The following SLC28A1 variants were observed in gnomAD, a reference collection of about 807,000 sequenced individuals.
The protein encoded by SLC28A1 is solute carrier family 28 member 1, also known as sodium/nucleoside cotransporter 1.
In SLC28A1, 64 loss-of-function variants were observed where a neutral mutation model predicts 74.8. The ratio of observed to expected loss-of-function variants is 0.86; its 90% CI spans 0.70 to 1.05. The LOEUF (loss-of-function observed/expected upper bound fraction) is 1.05. SLC28A1 is among the 50% of genes least tolerant of loss of function. The pLI is 0.00. For missense variants in SLC28A1, 828 were observed against 822.8 expected (o/e 1.01, Z -0.08); for synonymous variants, 359 against 335.0 (o/e 1.07, Z -0.78).
the SLC28A1 span, among the ~76,000 whole-genome samples, chr15:84,955,999 T>A: frequency 6.6e-6 from 1 of 152,206 alleles, no homozygotes; most frequent in African/African-American, 2.4e-5. Flanking sequence ...GATACTTGAT[T>A]TTTAAAGTCA....
intron 9 of SLC28A1, among the ~76,000 whole-genome samples, chr15:84,914,540 G>C (rs545262622): frequency 3.3e-5 from 5 of 152,194 alleles, no homozygotes; most frequent in Non-Finnish European, 7.3e-5. Context: ...CCTCGGGTGG[G>C]TAGCCAAGAT....
the SLC28A1 span, among the ~76,000 whole-genome samples, chr15:84,956,668 T>C: frequency 5.7e-5 from 2 of 35,002 alleles, no homozygotes; most frequent in Admixed American, 2.2e-4. Flanking sequence ...AATTTTTACT[T>C]TTTTTTTTTT....
chr15:84,964,836 C>A, the SLC28A1 span, among the ~76,000 whole-genome samples: 38 of 152,322 alleles, frequency 2.5e-4, 2 homozygotes, highest in South Asian at 7.9e-3. Flanking sequence ...TGGGATTAAG[C>A]CAGAGGCCCA....
At chr15:84,929,026 G>A (rs578056883) in intron 12 of SLC28A1, among the ~76,000 whole-genome samples, 3 of 152,160 alleles carry the variant, frequency 2.0e-5, no homozygotes, top group South Asian at 2.1e-4. Flanking sequence ...AGATCTCCAC[G>A]GTCCAGTACA....
chr15:84,945,543 T>G lies in SLC28A1; in HGVS notation c.*343T>G. On this transcript the variant is annotated 3_prime_UTR_variant, in exon 19 of 19. Coordinates refer to ENST00000394573, the MANE Select transcript of SLC28A1 (RefSeq NM_004213.5). ...TCTCCTGGGGTCCCTCACATGCCCC[T>G]TCCCTTCTGTTGTGGGCTGCACACC... is the stretch of plus-strand genomic sequence containing the variant. 1 of 366,784 alleles carries G rather than the reference T, an allele frequency of 2.7e-6. No individual in the cohort carries two copies. The allele number at this position is 366,784 out of a possible 1,614,324, so 22.7% of individuals were successfully genotyped here. A position where few individuals can be genotyped will look rare whatever the true frequency, so the allele number is the denominator to read the frequency against.
At chr15:84,961,331 A>ATT in the SLC28A1 span, among the ~76,000 whole-genome samples, 3 of 139,552 alleles carry the variant, frequency 2.1e-5, no homozygotes, top group Non-Finnish European at 3.2e-5. Flanking sequence ...GTGAGAGAGA[A>ATT]TTTTTTTTTT....
chr15:84,906,528 G>GTTTCTTTCTTTCTTTCTTTC (rs1159258854), intron 8 of SLC28A1, among the ~76,000 whole-genome samples: 1 of 62,052 alleles, frequency 1.6e-5, no homozygotes, highest in East Asian at 3.4e-4. Flanking sequence ...TTGTTTGTTT[G>GTTTCTTTCTTTCTTTCTTTC]TTTCTTTCTT....
chr15:84,899,012 C>T (rs754620745), intron 6 of SLC28A1, among the ~76,000 whole-genome samples: 5 of 152,054 alleles, frequency 3.3e-5, no homozygotes, highest in Non-Finnish European at 5.9e-5. Context: ...TCAGAGAATA[C>T]AGACAAGGAA....
the SLC28A1 span, among the ~76,000 whole-genome samples, chr15:84,964,279 G>T: frequency 6.9e-6 from 1 of 145,142 alleles, no homozygotes; most frequent in Admixed American, 8.8e-5. Context: ...TGGGAAGGAA[G>T]GATGGAAGGA....
rs918306814 is a variant in SLC28A1, at chr15:84,886,808, G to A, written c.-17+21G>A. 7.2e-6 allele frequency: 7 copies of A among 972,758 alleles called. No homozygotes were observed. The South Asian group carries it at 1.4e-4, about 20-fold the overall frequency. 60.3% of individuals were successfully genotyped at this position (972,758 alleles called of 1,614,324 possible). On this transcript the variant is annotated intron_variant, in intron 2 of 18. Coordinates refer to ENST00000394573, the MANE Select transcript of SLC28A1 (RefSeq NM_004213.5). Reference sequence around the variant, plus strand: ...AATACGTGAGTAGAAACAGGGCCCCGCTTCTGTGTGCGCTGCTGTGCGTCT... The same window carrying A: ...AATACGTGAGTAGAAACAGGGCCCCACTTCTGTGTGCGCTGCTGTGCGTCT...
chr15:84,963,492 G>A, the SLC28A1 span, among the ~76,000 whole-genome samples: 1 of 152,188 alleles, frequency 6.6e-6, no homozygotes, highest in Non-Finnish European at 1.5e-5. Flanking sequence ...CAGTCATAGC[G>A]AGTGGTGGAC....
In SLC28A1 at chr15:84,884,692, ATGGTTGCTGC is replaced by A; in HGVS notation, c.-188_-179del. The A allele has an allele frequency of 1.0e-6, 1 of 985,488 alleles. No individual in the cohort carries two copies. The allele number at this position is 985,488 out of a possible 1,614,324, so 61.0% of individuals were successfully genotyped here. The stretch of plus-strand genomic sequence containing the variant: ...ATGTGAAGGTTATAAGCTGCACTGC[ATGGTTGCTGC>A]TGGATGTGTTGTGTTCCTGGCTTCC... On this transcript the variant is annotated 5_prime_UTR_variant, in exon 1 of 19. The change creates a premature stop within an existing upstream ORF in the 5' untranslated region. Transcript: ENST00000394573.
chr15:84,888,373 T>C (rs776533058), intron 3 of SLC28A1, among the ~76,000 whole-genome samples: 2 of 151,930 alleles, frequency 1.3e-5, no homozygotes, highest in African/African-American at 2.4e-5. Context: ...GGTGCTCCTT[T>C]CACGCTGTCA....
chr15:84,943,240 G>C (rs1180639821), intron 15 of SLC28A1, among the ~76,000 whole-genome samples: 2 of 152,142 alleles, frequency 1.3e-5, no homozygotes, highest in East Asian at 3.9e-4. Flanking sequence ...ACAGATAAGA[G>C]AGGGGGGCTA....
chr15:84,940,507 T>A (rs937011142), intron 15 of SLC28A1: 1 of 153,304 alleles, frequency 6.5e-6, no homozygotes, highest in Non-Finnish European at 1.5e-5. Context: ...AACTAGCTTA[T>A]TCATCATCTT....
chr15:84,927,129 C>G (rs1409876153), intron 12 of SLC28A1, among the ~76,000 whole-genome samples: 1 of 118,220 alleles, frequency 8.5e-6, no homozygotes, highest in Non-Finnish European at 1.8e-5. Flanking sequence ...TTGCACCTGT[C>G]TTGCTGAGGC....
chr15:84,955,011 C>G, the SLC28A1 span, among the ~76,000 whole-genome samples: 2 of 152,288 alleles, frequency 1.3e-5, no homozygotes, highest in South Asian at 4.1e-4. Flanking sequence ...TCTGACCCAC[C>G]ACAAAGAAAG....
At position 84,944,681 on chromosome 15, in the gene SLC28A1, C is replaced by A. The variant is rs1437157666; in HGVS notation, c.1762+17C>A. 6.2e-7 allele frequency: 1 copy of A among 1,608,756 alleles called. No homozygotes were observed. Among genetic ancestry groups the A allele is most frequent in the East Asian group, 2.2e-5 (1 of 44,820 alleles). ...GTATGGCAGGTGAGTGCAGGCCTGGCAGGCTCAGAAGGTGGAACCCTGACT... is the reference window on the plus strand; with the variant it reads ...GTATGGCAGGTGAGTGCAGGCCTGGAAGGCTCAGAAGGTGGAACCCTGACT... On this transcript the variant is annotated intron_variant, in intron 17 of 18. Transcript: ENST00000394573.
intron 6 of SLC28A1, among the ~76,000 whole-genome samples, chr15:84,900,431 GAAGA>G (rs1966553946): frequency 7.3e-6 from 1 of 137,514 alleles, no homozygotes; most frequent in Non-Finnish European, 1.6e-5. Flanking sequence ...AAAAGAAGAA[GAAGA>G]AAGAAAGAAA....
Sources: gnomAD v4.1 joint callset for allele counts (sites outside exome capture counted in the v4.1 genomes callset) on GRCh38, gnomAD v4.1.1 for gene constraint, MANE v1.5 for transcripts, NCBI Gene and HGNC (gene_info 2026-07-23, HGNC 2026-07-21) for gene names.